Variants in RAPGEF4 observed in about 807,000 individuals in gnomAD.
RAPGEF4 encodes the protein Rap guanine nucleotide exchange factor 4.
A neutral mutation model predicts 147.9 loss-of-function variants in RAPGEF4; 66 were observed. The observed-to-expected ratio is 0.45, with a 90% CI of 0.37 to 0.55. RAPGEF4 has a LOEUF of 0.55. Ranked by LOEUF, RAPGEF4 falls within the 20% of genes least tolerant of loss-of-function variation. RAPGEF4 has a pLI of 0.00. For synonymous variants in RAPGEF4, 419 were observed against 442.7 expected, an observed-to-expected ratio of 0.95 and a Z score of 0.67; for missense variants, 1,071 against 1,257.3, an observed-to-expected ratio of 0.85 and a Z score of 2.24.
chr2:173,016,326 C>T (rs367585460), intron 18 of RAPGEF4, 23 bp from the exon 19 acceptor site: 53 of 1,549,894 alleles, frequency 3.4e-5, no homozygotes, highest in East Asian at 6.7e-5. Flanking sequence ...TTGTTAAAAG[C>T]CTGTGACTTT....
chr2:173,046,206 T>C (rs144067756), intron 29 of RAPGEF4, among the ~76,000 whole-genome samples: 1,831 of 152,294 alleles, frequency 0.012, 22 homozygotes, highest in Middle Eastern at 0.024. Context: ...ATTAAAACCA[T>C]TGTTAAAATT....
intron 18 of RAPGEF4, 93 bp from the exon 19 acceptor site, chr2:173,016,256 C>A: frequency 1.2e-6 from 1 of 803,916 alleles, no homozygotes; most frequent in Non-Finnish European, 2.1e-6. Context: ...GCTGGTGAAG[C>A]AGATGACATA....
chr2:172,988,895 T>C, intron 14 of RAPGEF4, 56 bp downstream of exon 14: 1 of 1,548,420 alleles, frequency 6.5e-7, no homozygotes, highest in Non-Finnish European at 8.8e-7. Context: ...TTTAACTAAA[T>C]AAGCAAAGCT....
rs1686483025 is a variant in RAPGEF4, at chr2:172,797,415, G to A, written c.209-110G>A. ...TGTGGGCAACAGATAGGGGAAGGGT[G>A]GTAAGCTCAGTTAGGTCCAAGACAT... is the stretch of plus-strand genomic sequence containing the variant. On this transcript the variant is annotated intron_variant, in intron 2 of 30. Coordinates refer to ENST00000397081, the MANE Select transcript of RAPGEF4 (RefSeq NM_007023.4). 5.3e-6 allele frequency: 4 copies of A among 753,958 alleles called. No homozygotes were observed. The South Asian group carries it at 7.3e-5, about 14-fold the overall frequency. The allele number at this position is 753,958 out of a possible 1,614,324, so 46.7% of individuals were successfully genotyped here. A position where few individuals can be genotyped will look rare whatever the true frequency, so the allele number is the denominator to read the frequency against.
chr2:172,788,084 A>G (rs1685406338), intron 1 of RAPGEF4, among the ~76,000 whole-genome samples: 1 of 152,212 alleles, frequency 6.6e-6, no homozygotes, highest in Non-Finnish European at 1.5e-5. Flanking sequence ...ACATGACAGA[A>G]TGGAGAGCTA....
intron 4 of RAPGEF4, among the ~76,000 whole-genome samples, chr2:172,897,944 TA>T (rs1158180558): frequency 6.6e-6 from 1 of 152,000 alleles, no homozygotes; most frequent in African/African-American, 2.4e-5. Flanking sequence ...GGAACAAGGT[TA>T]GGGGTAAGAA....
chr2:172,831,590 G>A (rs1348613098), intron 4 of RAPGEF4, among the ~76,000 whole-genome samples: 1 of 151,996 alleles, frequency 6.6e-6, no homozygotes, highest in Non-Finnish European at 1.5e-5. Context: ...CTTTAAGTAT[G>A]TAAGAATCAT....
At chr2:172,766,487 G>A (rs1696857314) in intron 1 of RAPGEF4, among the ~76,000 whole-genome samples, 2 of 152,120 alleles carry the variant, frequency 1.3e-5, no homozygotes, top group South Asian at 4.2e-4. Context: ...CAGAGGTGGA[G>A]GTTGCAGGGA....
Position 172,965,648 on chromosome 2 carries a change from G to T in RAPGEF4, c.785G>T (p.Trp262Leu), listed in dbSNP as rs765717537. Residue 262 changes from tryptophan to leucine, a missense_variant, in exon 9 of 31, where the codon TGG (tryptophan) becomes TTG (leucine). Transcript: ENST00000397081. Reference protein sequence around the residue: ...VHSRTQAVGMWQVLLEDGVLN... With the variant: ...VHSRTQAVGMLQVLLEDGVLN... ...TCCCGGACTCAAGCTGTTGGCATGT[G>T]GCAAGTCCTGTTAGAAGATGGTGTT... is the stretch of plus-strand genomic sequence containing the variant. 6.2e-7 allele frequency: 1 copy of T among 1,614,144 alleles called. No individual in the cohort carries two copies. Among genetic ancestry groups the T allele is most frequent in the Non-Finnish European group, 8.5e-7 (1 of 1,180,018 alleles).
chr2:172,798,763 G>A (rs1686661056), intron 3 of RAPGEF4, among the ~76,000 whole-genome samples: 1 of 152,104 alleles, frequency 6.6e-6, no homozygotes, highest in South Asian at 2.1e-4. Flanking sequence ...TCTTAAAAAT[G>A]GAGTGGTATC....
chr2:172,992,774 A>G (rs1387351508), intron 15 of RAPGEF4, among the ~76,000 whole-genome samples: 1 of 152,210 alleles, frequency 6.6e-6, no homozygotes, highest in East Asian at 1.9e-4. Flanking sequence ...AAACTTATGC[A>G]TGTTCACAAT....
chr2:172,911,595 A>T (rs557502775), intron 4 of RAPGEF4, among the ~76,000 whole-genome samples: 2 of 152,012 alleles, frequency 1.3e-5, no homozygotes, highest in East Asian at 3.9e-4. Flanking sequence ...AGTAGCTGGA[A>T]TTATAGGCGT....
At chr2:173,026,725 A>C (rs1434033044) in intron 24 of RAPGEF4, 28 bp downstream of exon 24, 6 of 1,611,038 alleles carry the variant, frequency 3.7e-6, no homozygotes, top group Middle Eastern at 1.7e-4. Context: ...ATGTGTTAGT[A>C]GCTGAGATAG....
chr2:172,816,292 C>T (rs1231683162), intron 4 of RAPGEF4, among the ~76,000 whole-genome samples: 1 of 151,904 alleles, frequency 6.6e-6, no homozygotes, highest in Non-Finnish European at 1.5e-5. Context: ...TCTCCCCCTT[C>T]TCTCTCTTAC....
intron 4 of RAPGEF4, chr2:172,821,854 G>A: frequency 6.5e-7 from 1 of 1,548,622 alleles, no homozygotes; most frequent in Non-Finnish European, 8.7e-7. Flanking sequence ...CCACTCAGTA[G>A]TAGACACGAA....
At chr2:172,766,274 G>A (rs1696829232) in intron 1 of RAPGEF4, among the ~76,000 whole-genome samples, 1 of 152,006 alleles carries the variant, frequency 6.6e-6, no homozygotes, top group African/African-American at 2.4e-5. Flanking sequence ...ATTTGGGGCC[G>A]GGCACGGTGG....
At chr2:173,007,974 T>C (rs1694650068) in intron 17 of RAPGEF4, among the ~76,000 whole-genome samples, 1 of 152,250 alleles carries the variant, frequency 6.6e-6, no homozygotes, top group East Asian at 1.9e-4. Context: ...TCTGGCTCTA[T>C]GTCCCCACCC....
chr2:173,033,851 C>A, intron 26 of RAPGEF4, 63 bp from the exon 27 acceptor site: 2 of 1,469,928 alleles, frequency 1.4e-6, no homozygotes, highest in Non-Finnish European at 1.9e-6. Context: ...AAATGGTAAC[C>A]CATGATACAT....
At chr2:172,931,261 A>G (rs1413932162) in intron 6 of RAPGEF4, among the ~76,000 whole-genome samples, 5 of 148,138 alleles carry the variant, frequency 3.4e-5, no homozygotes, top group African/African-American at 1.0e-4. Context: ...AAAACATTCT[A>G]TTCAGTTTAC....
Sources: gnomAD v4.1 joint callset for allele counts (sites outside exome capture counted in the v4.1 genomes callset) on GRCh38, gnomAD v4.1.1 for gene constraint, MANE v1.5 for transcripts, NCBI Gene and HGNC (gene_info 2026-07-23, HGNC 2026-07-21) for gene names.